PRKN: variants seen among roughly 807,000 people sequenced by gnomAD.
PRKN encodes parkin RBR E3 ubiquitin protein ligase.
In PRKN, 56 loss-of-function variants were observed where a neutral mutation model predicts 59.5. That is an observed-to-expected ratio of 0.94 (90% CI 0.76 to 1.18). The LOEUF is 1.18. Ranked by LOEUF, PRKN falls within the 50% of genes most tolerant of loss-of-function variation. PRKN has a pLI of 0.00. For missense variants in PRKN, 657 were observed against 596.4 expected (o/e 1.10, Z -1.06); for synonymous variants, 250 against 222.1 (o/e 1.13, Z -1.12).
intron 1 of PRKN, among the ~76,000 whole-genome samples, chr6:162,639,727 T>A (rs972904505): frequency 6.6e-6 from 1 of 152,132 alleles, no homozygotes; most frequent in Admixed American, 6.6e-5. Flanking sequence ...CTACCCCTTA[T>A]GATTATAAAT....
At chr6:162,697,535 C>G (rs1166968751) in intron 1 of PRKN, among the ~76,000 whole-genome samples, 1 of 152,054 alleles carries the variant, frequency 6.6e-6, no homozygotes, top group Non-Finnish European at 1.5e-5. Context: ...TCAGGTTCCA[C>G]CAGATATAGG....
chr6:161,958,002 A>T (rs1285046086), intron 6 of PRKN, among the ~76,000 whole-genome samples: 1 of 152,230 alleles, frequency 6.6e-6, no homozygotes, highest in Non-Finnish European at 1.5e-5. Flanking sequence ...TAATCATTAA[A>T]TAAATGTAAT....
At chr6:162,350,371 GA>G (rs2128130854) in intron 2 of PRKN, among the ~76,000 whole-genome samples, 1 of 152,182 alleles carries the variant, frequency 6.6e-6, no homozygotes, top group East Asian at 1.9e-4. Context: ...AAATTTTATA[GA>G]GTAACACAAA....
rs757221351 is a variant in PRKN at position 161,470,153 on chromosome 6, G to C, written c.1083+78701C>G. ...TAGCTAGGAAGTGAACTCTGGCTAG[G>C]GTCTAAACCTAGACAGTCTGAGCCT... On this transcript the variant is annotated intron_variant, in intron 9 of 11. Transcript: ENST00000366898. The surrounding 1 kb of genome is among the most constrained non-coding windows in gnomAD (Gnocchi z 5.1). Among the ~76,000 whole-genome samples, 15 of 152,082 alleles carry C rather than the reference G, an allele frequency of 9.9e-5. No homozygotes were observed. The highest frequency in any genetic ancestry group is 1.9e-4 in the Non-Finnish European group (13 of 68,018).
chr6:162,468,403 T>G (rs1339893268), intron 1 of PRKN, among the ~76,000 whole-genome samples: 2 of 152,240 alleles, frequency 1.3e-5, no homozygotes, highest in Non-Finnish European at 2.9e-5. Context: ...TTCATTTGAT[T>G]GACATTTACT....
chr6:162,117,454 G>A (rs772413049), intron 4 of PRKN, among the ~76,000 whole-genome samples: 3 of 152,194 alleles, frequency 2.0e-5, no homozygotes, highest in African/African-American at 2.4e-5. Flanking sequence ...AAGTGAAATT[G>A]TATGAGACTG....
intron 5 of PRKN, among the ~76,000 whole-genome samples, chr6:162,052,049 G>A (rs1002764458): frequency 2.0e-5 from 3 of 152,158 alleles, no homozygotes; most frequent in African/African-American, 7.2e-5. Context: ...ATGAGATCGG[G>A]CACGTTCAGG....
Position 161,554,440 on chromosome 6 carries a change from G to A in PRKN, c.934-5437C>T, listed in dbSNP as rs1445358325. On this transcript the variant is annotated intron_variant, in intron 8 of 11. Transcript: ENST00000366898. The surrounding 1 kb of genome is among the most constrained non-coding windows in gnomAD (Gnocchi z 4.5). ...CACACACACACACACACGCATGCAGGCACAACCATCAGTACTTATGTTGAT... is the reference window on the plus strand; with the variant it reads ...CACACACACACACACACGCATGCAGACACAACCATCAGTACTTATGTTGAT... Among the ~76,000 whole-genome samples, 2 of 141,582 alleles carry A rather than the reference G, an allele frequency of 1.4e-5. No homozygotes were observed. 92.9% of individuals were successfully genotyped at this position (141,582 alleles called of 152,430 possible).
chr6:162,094,086 G>C (rs1252179177), intron 4 of PRKN, among the ~76,000 whole-genome samples: 1 of 152,120 alleles, frequency 6.6e-6, no homozygotes, highest in Non-Finnish European at 1.5e-5. Context: ...GCAGCACGTC[G>C]AGATGAGACG....
intron 2 of PRKN, among the ~76,000 whole-genome samples, chr6:162,380,047 A>C (rs1045224586): frequency 5.3e-5 from 8 of 152,262 alleles, no homozygotes; most frequent in East Asian, 3.9e-4. Flanking sequence ...ACAGGGTATA[A>C]GACACCCACT....
chr6:162,557,628 C>T (rs1269224521), intron 1 of PRKN, among the ~76,000 whole-genome samples: 1 of 152,192 alleles, frequency 6.6e-6, no homozygotes, highest in Non-Finnish European at 1.5e-5. Context: ...TATGCCTCAG[C>T]CTCCCGAGTA....
At chr6:162,587,200 A>G (rs34228197) in intron 1 of PRKN, among the ~76,000 whole-genome samples, 18,716 of 152,204 alleles carry the variant, frequency 0.12, 1,267 homozygotes, top group Middle Eastern at 0.21. Context: ...ACAGTGGCGC[A>G]ATCTCGGCTC....
chr6:162,660,555 T>C (rs546277187), intron 1 of PRKN, among the ~76,000 whole-genome samples: 3 of 152,322 alleles, frequency 2.0e-5, no homozygotes, highest in East Asian at 1.9e-4. Flanking sequence ...TCCCTATGAT[T>C]CCATAGCTAT....
intron 3 of PRKN, among the ~76,000 whole-genome samples, chr6:162,238,266 T>C (rs1778826806): frequency 6.6e-6 from 1 of 152,172 alleles, no homozygotes; most frequent in Non-Finnish European, 1.5e-5. Flanking sequence ...CAGTATTCAG[T>C]ACAGAAACAT....
intron 2 of PRKN, among the ~76,000 whole-genome samples, chr6:162,396,615 G>A (rs956268109): frequency 2.0e-5 from 3 of 152,082 alleles, no homozygotes; most frequent in African/African-American, 7.2e-5. Context: ...TGGACCCGTC[G>A]CTTGTGTTAG....
chr6:162,612,771 G>GA (rs1210932650), intron 1 of PRKN, among the ~76,000 whole-genome samples: 4 of 152,088 alleles, frequency 2.6e-5, no homozygotes, highest in Non-Finnish European at 5.9e-5. Flanking sequence ...CCTAAGTGGT[G>GA]AAAAATCGTG....
chr6:162,034,219 A>AGT (rs1424791270), intron 5 of PRKN, among the ~76,000 whole-genome samples: 1 of 144,600 alleles, frequency 6.9e-6, no homozygotes, highest in African/African-American at 2.6e-5. Flanking sequence ...AGAGAGAGAG[A>AGT]GTGTCTACTA....
intron 6 of PRKN, among the ~76,000 whole-genome samples, chr6:161,813,231 T>G (rs1017419468): frequency 2.0e-5 from 3 of 152,132 alleles, no homozygotes; most frequent in Non-Finnish European, 2.9e-5. Context: ...GGAAAGGATA[T>G]GAACTTCTCA....
At chr6:161,726,695 A>T (rs7769089) in intron 7 of PRKN, among the ~76,000 whole-genome samples, 37,250 of 152,160 alleles carry the variant, frequency 0.24, 10,199 homozygotes, top group African/African-American at 0.68. Context: ...AAATTTGATG[A>T]GAGAGGCAAA....
Sources: gnomAD v4.1 joint callset for allele counts (sites outside exome capture counted in the v4.1 genomes callset) on GRCh38, gnomAD v4.1.1 for gene constraint, Gnocchi (gnomAD v3.1) non-coding constraint, MANE v1.5 for transcripts, NCBI Gene and HGNC (gene_info 2026-07-23, HGNC 2026-07-21) for gene names.